The following PHACTR3 variants were observed in gnomAD, a reference collection of about 807,000 sequenced individuals.
The protein encoded by PHACTR3 is protein phosphatase 1, regulatory subunit 123.
PHACTR3 carries 16 observed loss-of-function variants against 66.8 expected under a neutral mutation model. That is an observed-to-expected ratio of 0.24 (90% CI 0.16 to 0.36). PHACTR3 has a LOEUF of 0.36. Among genes scored for constraint, PHACTR3 ranks in the 10% least tolerant of loss-of-function variants. PHACTR3 has a pLI of 1.00. For synonymous variants in PHACTR3, 323 were observed against 292.1 expected, an observed-to-expected ratio of 1.11 and a Z score of -1.08; for missense variants, 647 against 719.9, an observed-to-expected ratio of 0.90 and a Z score of 1.16.
intron 4 of PHACTR3, among the ~76,000 whole-genome samples, chr20:59,759,237 G>T (rs1181764878): frequency 6.6e-6 from 1 of 152,160 alleles, no homozygotes; most frequent in African/African-American, 2.4e-5. Flanking sequence ...CCTGCGCCAG[G>T]GACATCGGTC....
chr20:59,655,790 C>T (rs1048922091), intron 1 of PHACTR3, among the ~76,000 whole-genome samples: 1 of 151,672 alleles, frequency 6.6e-6, no homozygotes, highest in Non-Finnish European at 1.5e-5. Context: ...GAGCTATAGG[C>T]TTCTATTTAA....
intron 1 of PHACTR3, among the ~76,000 whole-genome samples, chr20:59,593,210 A>T (rs1409967798): frequency 6.6e-6 from 1 of 152,184 alleles, no homozygotes; most frequent in Non-Finnish European, 1.5e-5. Flanking sequence ...ATGGGTGTGC[A>T]GTGGTCTCTC....
At chr20:59,818,211 A>C (rs1244030153) in intron 8 of PHACTR3, among the ~76,000 whole-genome samples, 6 of 152,192 alleles carry the variant, frequency 3.9e-5, no homozygotes, top group Non-Finnish European at 8.8e-5. Flanking sequence ...GTTTTCCAGC[A>C]TGTGGGCATG....
Position 59,821,071 on chromosome 20 carries a change from G to A in PHACTR3, c.1328+14877G>A, listed in dbSNP as rs545895630. ...CTAACATGTATGAAACCCATGTTAT[G>A]TATGAGGGGTGGTGTTTGCCTGCAT... On this transcript the variant is annotated intron_variant, in intron 8 of 12. Coordinates refer to ENST00000371015, the MANE Select transcript of PHACTR3 (RefSeq NM_080672.5). Among the ~76,000 whole-genome samples, 113 of 152,284 alleles carry A rather than the reference G, an allele frequency of 7.4e-4. 1 individual carries two copies. The highest frequency in any genetic ancestry group is 2.7e-3 in the African/African-American group (111 of 41,546).
intron 1 of PHACTR3, among the ~76,000 whole-genome samples, chr20:59,650,946 C>A (rs1282411139): frequency 1.3e-5 from 2 of 151,802 alleles, no homozygotes; most frequent in African/African-American, 4.8e-5. Flanking sequence ...TTGTTTTTTT[C>A]TTGTGTCTTT....
intron 11 of PHACTR3, among the ~76,000 whole-genome samples, chr20:59,842,550 G>A (rs1034087145): frequency 1.3e-5 from 2 of 152,136 alleles, no homozygotes; most frequent in African/African-American, 4.8e-5. Flanking sequence ...CCTTGTCCCA[G>A]AGGCTGTGTT....
At chr20:59,682,053 C>T (rs2036677672) in intron 1 of PHACTR3, among the ~76,000 whole-genome samples, 2 of 151,712 alleles carry the variant, frequency 1.3e-5, no homozygotes, top group Non-Finnish European at 2.9e-5. Flanking sequence ...ATAATCAGGC[C>T]TCTTGGCTGG....
At chr20:59,630,645 C>T (rs1387837963) in intron 1 of PHACTR3, among the ~76,000 whole-genome samples, 2 of 152,176 alleles carry the variant, frequency 1.3e-5, no homozygotes, top group Non-Finnish European at 2.9e-5. Context: ...TGGGGAGACA[C>T]CGGGTGGTGC....
chr20:59,825,111 G>T (rs1021495299), intron 8 of PHACTR3, among the ~76,000 whole-genome samples: 1 of 152,216 alleles, frequency 6.6e-6, no homozygotes, highest in African/African-American at 2.4e-5. Flanking sequence ...GGATTCAGCA[G>T]TGACCAGGTA....
chr20:59,642,517 A>G (rs2035144025), intron 1 of PHACTR3, among the ~76,000 whole-genome samples: 1 of 147,988 alleles, frequency 6.8e-6, no homozygotes, highest in African/African-American at 2.5e-5. Flanking sequence ...TTCAGCCTAT[A>G]TCCTTTATTA....
chr20:59,724,762 CT>C (rs1382159549), intron 1 of PHACTR3, among the ~76,000 whole-genome samples: 4 of 152,228 alleles, frequency 2.6e-5, no homozygotes, highest in African/African-American at 7.2e-5. Context: ...GACTCTCCCC[CT>C]CTCCTCAAAA....
chr20:59,770,141 C>T (rs372171265), intron 5 of PHACTR3, among the ~76,000 whole-genome samples: 17 of 152,208 alleles, frequency 1.1e-4, no homozygotes, highest in African/African-American at 3.1e-4. Context: ...TAAATTCTGG[C>T]GTTCTGTCCC....
At chr20:59,579,570 A>G (rs1017801668) in intron 1 of PHACTR3, among the ~76,000 whole-genome samples, 1 of 152,212 alleles carries the variant, frequency 6.6e-6, no homozygotes, top group Non-Finnish European at 1.5e-5. Context: ...CTTGGCCTCC[A>G]TCAGAAGTCC....
At chr20:59,637,160 C>CAGT (rs1463655604) in intron 1 of PHACTR3, among the ~76,000 whole-genome samples, 1 of 152,196 alleles carries the variant, frequency 6.6e-6, no homozygotes, top group African/African-American at 2.4e-5. Context: ...TGAAGGTGAG[C>CAGT]AGTACCTTTG....
chr20:59,697,099 C>T (rs748863801), intron 1 of PHACTR3, among the ~76,000 whole-genome samples: 2 of 152,102 alleles, frequency 1.3e-5, no homozygotes, highest in Non-Finnish European at 2.9e-5. Flanking sequence ...TTAATTCTCC[C>T]TAGGACTCTA....
chr20:59,826,605 C>T (rs558977731), intron 8 of PHACTR3, among the ~76,000 whole-genome samples: 6 of 152,152 alleles, frequency 3.9e-5, no homozygotes, highest in African/African-American at 1.4e-4. Flanking sequence ...TCTCTGTACA[C>T]ACTGTCCTCA....
intron 1 of PHACTR3, among the ~76,000 whole-genome samples, chr20:59,676,086 C>T (rs1218091115): frequency 6.6e-6 from 1 of 152,236 alleles, no homozygotes; most frequent in Non-Finnish European, 1.5e-5. Context: ...TCTAAGACTT[C>T]AGCAGCCGCC....
intron 1 of PHACTR3, among the ~76,000 whole-genome samples, chr20:59,597,441 A>C (rs1338380138): frequency 1.3e-5 from 2 of 152,162 alleles, no homozygotes; most frequent in Non-Finnish European, 2.9e-5. Flanking sequence ...TATATGATGC[A>C]ATAACAGCCT....
chr20:59,823,877 A>G (rs772029538), intron 8 of PHACTR3, among the ~76,000 whole-genome samples: 1 of 152,254 alleles, frequency 6.6e-6, no homozygotes, highest in Non-Finnish European at 1.5e-5. Context: ...GCTTAATTAC[A>G]TTTATTACAG....
Sources: gnomAD v4.1 joint callset for allele counts (sites outside exome capture counted in the v4.1 genomes callset) on GRCh38, gnomAD v4.1.1 for gene constraint, MANE v1.5 for transcripts, NCBI Gene and HGNC (gene_info 2026-07-23, HGNC 2026-07-21) for gene names.